Variants in MBD5 observed in about 807,000 individuals in gnomAD.
The protein encoded by MBD5 is methyl-CpG binding domain protein 5.
MBD5 carries 13 observed loss-of-function variants against 117.3 expected under a neutral mutation model. The observed-to-expected ratio is 0.11, with a 90% CI of 0.07 to 0.18. The LOEUF is 0.18. Ranked by LOEUF, MBD5 falls within the 10% of genes least tolerant of loss-of-function variation. The pLI is 1.00. For missense variants in MBD5, 1,879 were observed against 2,093.8 expected (o/e 0.90, Z 2.00); for synonymous variants, 727 against 766.4 (o/e 0.95, Z 0.85).
chr2:148,507,284 T>G (rs1417714700), intron 12 of MBD5, among the ~76,000 whole-genome samples: 1 of 152,202 alleles, frequency 6.6e-6, no homozygotes, highest in East Asian at 1.9e-4. Context: ...GGTAAAAATC[T>G]TTTACCCATG....
chr2:148,373,599 G>T (rs1436623936), intron 4 of MBD5, among the ~76,000 whole-genome samples: 1 of 151,662 alleles, frequency 6.6e-6, no homozygotes, highest in Non-Finnish European at 1.5e-5. Context: ...CAAATTAATA[G>T]TACATATGTG....
At chr2:148,239,013 AT>A (rs1700152132) in intron 3 of MBD5, among the ~76,000 whole-genome samples, 3 of 75,380 alleles carry the variant, frequency 4.0e-5, no homozygotes, top group Admixed American at 2.8e-4. Context: ...ATATATATAT[AT>A]TATATACACA....
chr2:148,078,027 C>T lies in MBD5; in HGVS notation c.-925+56343C>T, dbSNP rs188266203. 3.4e-3 allele frequency among the ~76,000 whole-genome samples: 514 copies of T among 152,186 alleles called. 1 individual carries two copies. The highest frequency in any genetic ancestry group is 5.9e-3 in the Non-Finnish European group (403 of 67,982). On this transcript the variant is annotated intron_variant, in intron 1 of 13. Coordinates refer to ENST00000642680, the MANE Select transcript of MBD5 (RefSeq NM_001378120.1). ...AATGCCAAAAACACCTGTTCAGCAA[C>T]AGTTTGTAGAATTCTAGATGGCCTT...
At chr2:148,509,968 G>A in intron 12 of MBD5, 92 bp from the exon 13 acceptor site, 1 of 998,954 alleles carries the variant, frequency 1.0e-6, no homozygotes. Context: ...TTTCTCTCGT[G>A]GAATTGGTAC....
intron 2 of MBD5, among the ~76,000 whole-genome samples, chr2:148,205,680 C>A (rs1699259620): frequency 6.6e-6 from 1 of 151,948 alleles, no homozygotes; most frequent in African/African-American, 2.4e-5. Context: ...AGAGAAATTA[C>A]CCATGGAGAA....
intron 1 of MBD5, among the ~76,000 whole-genome samples, chr2:148,031,473 C>T (rs752259133): frequency 6.6e-6 from 1 of 152,050 alleles, no homozygotes; most frequent in Non-Finnish European, 1.5e-5. Flanking sequence ...AAAGACAAAG[C>T]TTCCAATGGG....
chr2:148,415,870 A>G (rs890167829), intron 4 of MBD5, among the ~76,000 whole-genome samples: 2 of 152,138 alleles, frequency 1.3e-5, no homozygotes, highest in Non-Finnish European at 2.9e-5. Context: ...CTATCATTTT[A>G]TTTAATTCCT....
In MBD5 at chr2:148,419,029, G is replaced by A. The variant is rs116337972; in HGVS notation, c.-556-39174G>A. On this transcript the variant is annotated intron_variant, in intron 4 of 13. Coordinates refer to ENST00000642680, the MANE Select transcript of MBD5 (RefSeq NM_001378120.1). ...ACAGCATGGTACTGGTATAAAAGTA[G>A]ATATACAGACCAATGGAACAGAATA... Among the ~76,000 whole-genome samples, 555 of 152,190 alleles carry A rather than the reference G, an allele frequency of 3.6e-3. 5 individuals carry two copies. Among genetic ancestry groups the A allele is most frequent in the African/African-American group, 0.012 (517 of 41,530 alleles).
At chr2:148,344,332 T>C (rs1165664952) in intron 4 of MBD5, among the ~76,000 whole-genome samples, 1 of 152,028 alleles carries the variant, frequency 6.6e-6, no homozygotes, top group Non-Finnish European at 1.5e-5. Flanking sequence ...TTTAGAACAG[T>C]TTTTTTCCAA....
At chr2:148,439,737 CTTT>C (rs761911302) in intron 4 of MBD5, among the ~76,000 whole-genome samples, 7 of 130,644 alleles carry the variant, frequency 5.4e-5, no homozygotes, top group East Asian at 2.2e-4. Flanking sequence ...CATTCTCTCT[CTTT>C]TTTTTTTTTT....
At chr2:148,301,020 C>G (rs1372490512) in intron 3 of MBD5, among the ~76,000 whole-genome samples, 1 of 152,174 alleles carries the variant, frequency 6.6e-6, no homozygotes, top group African/African-American at 2.4e-5. Context: ...TGTTTCCTAT[C>G]CTTTGATAAA....
chr2:148,360,724 C>T (rs531344646), intron 4 of MBD5, among the ~76,000 whole-genome samples: 2 of 152,118 alleles, frequency 1.3e-5, no homozygotes, highest in East Asian at 3.9e-4. Context: ...ATTCTGGTAC[C>T]ACATGCTGGA....
At chr2:148,193,091 T>A (rs1252666325) in intron 2 of MBD5, among the ~76,000 whole-genome samples, 2 of 107,096 alleles carry the variant, frequency 1.9e-5, no homozygotes, top group East Asian at 5.6e-4. Context: ...TACAAACCAC[T>A]GCTCAAGGAA....
chr2:148,434,666 A>G (rs1253891877), intron 4 of MBD5, among the ~76,000 whole-genome samples: 1 of 152,056 alleles, frequency 6.6e-6, no homozygotes, highest in Admixed American at 6.6e-5. Flanking sequence ...GGATTGTTTT[A>G]TGTCCAAATG....
At chr2:148,267,636 G>A (rs1486154114) in intron 3 of MBD5, among the ~76,000 whole-genome samples, 3 of 151,876 alleles carry the variant, frequency 2.0e-5, no homozygotes, top group Non-Finnish European at 4.4e-5. Context: ...TCATATGAAT[G>A]GATATTTTTA....
chr2:148,106,104 A>G (rs1053663324), intron 1 of MBD5, among the ~76,000 whole-genome samples: 3 of 123,252 alleles, frequency 2.4e-5, no homozygotes. Context: ...AATAATGTGT[A>G]TTCTACAACT....
At chr2:148,268,361 C>G (rs1001316896) in intron 3 of MBD5, among the ~76,000 whole-genome samples, 1 of 152,086 alleles carries the variant, frequency 6.6e-6, no homozygotes, top group Non-Finnish European at 1.5e-5. Context: ...GGATTACAGG[C>G]TTGAACCACA....
chr2:148,145,023 A>C (rs1042227704), intron 1 of MBD5, among the ~76,000 whole-genome samples: 1 of 152,196 alleles, frequency 6.6e-6, no homozygotes, highest in Non-Finnish European at 1.5e-5. Flanking sequence ...CATCGAATCT[A>C]TAAATTACCT....
At chr2:148,167,013 A>G (rs564621381) in intron 1 of MBD5, among the ~76,000 whole-genome samples, 2 of 152,172 alleles carry the variant, frequency 1.3e-5, no homozygotes, top group Admixed American at 6.5e-5. Flanking sequence ...TGCATCATCT[A>G]AAAGATTATG....
Sources: allele counts gnomAD v4.1 joint callset (sites outside exome capture counted in the v4.1 genomes callset), GRCh38; gene constraint gnomAD v4.1.1; transcripts MANE v1.5; gene names NCBI Gene and HGNC (gene_info 2026-07-23, HGNC 2026-07-21).